Variants in KCND2 observed in about 807,000 individuals in gnomAD.
The protein encoded by KCND2 is A-type voltage-gated potassium channel KCND2.
A neutral mutation model predicts 54.4 loss-of-function variants in KCND2; 16 were observed. The ratio of observed to expected loss-of-function variants is 0.29; its 90% CI spans 0.20 to 0.45. KCND2 has a LOEUF of 0.45. KCND2 is among the 20% of genes least tolerant of loss of function. KCND2 has a pLI of 1.00. For missense variants in KCND2, 486 were observed against 824.2 expected (o/e 0.59, Z 5.02); for synonymous variants, 317 against 310.7 (o/e 1.02, Z -0.21).
intron 1 of KCND2, among the ~76,000 whole-genome samples, chr7:120,518,903 T>C (rs1451489873): frequency 6.6e-6 from 1 of 152,088 alleles, no homozygotes; most frequent in South Asian, 2.1e-4. Flanking sequence ...TATAATCACA[T>C]GAGCTTTCAA....
chr7:120,496,439 T>G (rs536358666), intron 1 of KCND2, among the ~76,000 whole-genome samples: 1 of 152,018 alleles, frequency 6.6e-6, no homozygotes, highest in Non-Finnish European at 1.5e-5. Context: ...TTTTAATTTT[T>G]TTTGAGATGG....
rs1440420307 is a variant in KCND2 at position 120,406,945 on chromosome 7, A to G, written c.1115+131198A>G. Among the ~76,000 whole-genome samples, 5 of 152,008 alleles carry G rather than the reference A, an allele frequency of 3.3e-5. No individual in the cohort carries two copies. The Admixed American group carries it at 3.3e-4, about 10-fold the overall frequency. Reference sequence around the variant, plus strand: ...TCTTTATCTCTTAAATCAGAATTTCACAGAGCACAGTCTTCAAAACAGTAG... The same window carrying G: ...TCTTTATCTCTTAAATCAGAATTTCGCAGAGCACAGTCTTCAAAACAGTAG... On this transcript the variant is annotated intron_variant, in intron 1 of 5. Coordinates refer to ENST00000331113, the MANE Select transcript of KCND2 (RefSeq NM_012281.3).
chr7:120,443,545 C>T (rs1455873656), intron 1 of KCND2, among the ~76,000 whole-genome samples: 2 of 151,886 alleles, frequency 1.3e-5, no homozygotes, highest in Non-Finnish European at 2.9e-5. Flanking sequence ...TTCCCCCAAC[C>T]CAATCATCTT....
chr7:120,707,136 T>C (rs1792478757), intron 1 of KCND2, among the ~76,000 whole-genome samples: 1 of 152,144 alleles, frequency 6.6e-6, no homozygotes, highest in Admixed American at 6.6e-5. Flanking sequence ...TCTTTTTTGG[T>C]TTAACATCAA....
chr7:120,481,072 G>C (rs1347200087), intron 1 of KCND2, among the ~76,000 whole-genome samples: 1 of 152,206 alleles, frequency 6.6e-6, no homozygotes, highest in Non-Finnish European at 1.5e-5. Context: ...AATGCTGGTA[G>C]AACGCCATAC....
rs1424158480 is a variant in KCND2, at chr7:120,274,248, C to T, written c.-385C>T. The T allele has an allele frequency of 8.9e-6, 3 of 336,292 alleles. No homozygotes were observed. Among genetic ancestry groups the T allele is most frequent in the Non-Finnish European group, 1.7e-5 (3 of 179,558 alleles). 20.8% of individuals were successfully genotyped at this position (336,292 alleles called of 1,614,324 possible). On this transcript the variant is annotated 5_prime_UTR_variant, in exon 1 of 6. Transcript: ENST00000331113. ...TCGTTCGTCTTCTCTATCCTACACT[C>T]CACATACTGACCCTATATTATCCAG...
chr7:120,394,065 T>C (rs926508680), intron 1 of KCND2, among the ~76,000 whole-genome samples: 2 of 151,988 alleles, frequency 1.3e-5, no homozygotes, highest in South Asian at 2.1e-4. Flanking sequence ...GAGGGGCTTG[T>C]AGTGTAATCA....
chr7:120,732,819 C>T, intron 1 of KCND2, 84 bp from the exon 2 acceptor site: 1 of 1,159,714 alleles, frequency 8.6e-7, no homozygotes, highest in Non-Finnish European at 1.3e-6. Context: ...AATCATTTGA[C>T]TTAAAGGAAA....
Position 120,347,798 on chromosome 7 carries a change from G to A in KCND2, c.1115+72051G>A, listed in dbSNP as rs531706741. ...CTGCATTTTTCAGATAAAGATTATTGTAGTCTGTTCAGGCTACTATAACAA... is the reference window on the plus strand; with the variant it reads ...CTGCATTTTTCAGATAAAGATTATTATAGTCTGTTCAGGCTACTATAACAA... On this transcript the variant is annotated intron_variant, in intron 1 of 5. Coordinates refer to ENST00000331113, the MANE Select transcript of KCND2 (RefSeq NM_012281.3). Among the ~76,000 whole-genome samples the A allele has an allele frequency of 2.0e-5, 3 of 151,232 alleles. No homozygotes were observed. The East Asian group carries it at 5.8e-4, about 29-fold the overall frequency.
intron 1 of KCND2, among the ~76,000 whole-genome samples, chr7:120,464,770 A>G (rs1473609908): frequency 1.3e-5 from 2 of 152,118 alleles, no homozygotes; most frequent in African/African-American, 4.8e-5. Context: ...CCAAGGGGGC[A>G]CTTTCTGCTC....
intron 1 of KCND2, among the ~76,000 whole-genome samples, chr7:120,703,262 A>G (rs1421247965): frequency 6.6e-6 from 1 of 152,066 alleles, no homozygotes; most frequent in Admixed American, 6.5e-5. Flanking sequence ...TCATAGCTGC[A>G]CCTACCCTTC....
chr7:120,692,819 T>C (rs1399877108), intron 1 of KCND2, among the ~76,000 whole-genome samples: 1 of 152,240 alleles, frequency 6.6e-6, no homozygotes, highest in East Asian at 1.9e-4. Flanking sequence ...GCCTCAGCTC[T>C]ACTCATTAAG....
chr7:120,498,499 G>T (rs1039176983), intron 1 of KCND2, among the ~76,000 whole-genome samples: 1 of 151,756 alleles, frequency 6.6e-6, no homozygotes, highest in African/African-American at 2.4e-5. Context: ...ACTCGACTGG[G>T]CGTGGTGGCT....
At chr7:120,451,949 G>C (rs938545888) in intron 1 of KCND2, among the ~76,000 whole-genome samples, 4 of 152,224 alleles carry the variant, frequency 2.6e-5, no homozygotes, top group Admixed American at 1.3e-4. Flanking sequence ...TTTGTGAACT[G>C]TTTAGATAGT....
At chr7:120,433,073 C>A (rs1157029654) in intron 1 of KCND2, among the ~76,000 whole-genome samples, 1 of 152,116 alleles carries the variant, frequency 6.6e-6, no homozygotes, top group Non-Finnish European at 1.5e-5. Context: ...ACTTTTCAGA[C>A]ACACAGGAAG....
At chr7:120,620,945 A>G (rs1334151914) in intron 1 of KCND2, among the ~76,000 whole-genome samples, 1 of 152,170 alleles carries the variant, frequency 6.6e-6, no homozygotes, top group Non-Finnish European at 1.5e-5. Context: ...GAAACTAAAC[A>G]ACCAGAATAT....
At chr7:120,374,151 A>C (rs528597085) in intron 1 of KCND2, among the ~76,000 whole-genome samples, 1 of 151,890 alleles carries the variant, frequency 6.6e-6, no homozygotes, top group East Asian at 1.9e-4. Context: ...TTGAAAAGAA[A>C]CCTATTTTTA....
chr7:120,600,512 GAC>G (rs1184911961), intron 1 of KCND2, among the ~76,000 whole-genome samples: 6 of 151,934 alleles, frequency 3.9e-5, no homozygotes, highest in Non-Finnish European at 7.4e-5. Flanking sequence ...TTTCCAAATG[GAC>G]CTTAAACTTC....
intron 1 of KCND2, among the ~76,000 whole-genome samples, chr7:120,584,262 C>A (rs183113771): frequency 1.3e-5 from 2 of 152,324 alleles, no homozygotes; most frequent in East Asian, 3.9e-4. Flanking sequence ...ACATGCAGAT[C>A]TAAAACTGTC....
Sources: allele counts gnomAD v4.1 joint callset (sites outside exome capture counted in the v4.1 genomes callset), GRCh38; gene constraint gnomAD v4.1.1; transcripts MANE v1.5; gene names NCBI Gene and HGNC (gene_info 2026-07-23, HGNC 2026-07-21).